COL4A4: variants seen among roughly 807,000 people sequenced by gnomAD.
The protein encoded by COL4A4 is collagen alpha-4(IV) chain.
In COL4A4, 105 loss-of-function variants were observed where a neutral mutation model predicts 192.9. The observed-to-expected ratio is 0.54, with a 90% CI of 0.46 to 0.64. COL4A4 has a LOEUF of 0.64. Ranked by LOEUF, COL4A4 falls within the 30% of genes least tolerant of loss-of-function variation. COL4A4 has a pLI of 0.00. For synonymous variants in COL4A4, 762 were observed against 769.9 expected (o/e 0.99, Z 0.17); for missense variants, 1,967 against 2,169.3 (o/e 0.91, Z 1.85).
intron 23 of COL4A4, among the ~76,000 whole-genome samples, chr2:227,081,324 GC>G (rs2059313984): frequency 6.6e-6 from 1 of 152,242 alleles, no homozygotes; most frequent in Non-Finnish European, 1.5e-5. Context: ...GGTGGGATAA[GC>G]TGGCTTGCTG....
intron 1 of COL4A4, among the ~76,000 whole-genome samples, chr2:227,155,775 T>A (rs2078635): frequency 1.3e-5 from 2 of 151,866 alleles, no homozygotes; most frequent in African/African-American, 2.4e-5. Context: ...TTGCTATCTC[T>A]GTGCTCATGG....
chr2:226,987,107 C>G, the COL4A4 span, among the ~76,000 whole-genome samples: 1 of 152,096 alleles, frequency 6.6e-6, no homozygotes, highest in Non-Finnish European at 1.5e-5. Flanking sequence ...TGTTCTCGCT[C>G]ATAAGTGGGA....
chr2:227,077,904 C>A lies in COL4A4; in HGVS notation c.1977G>T (p.Lys659Asn). 1 of 1,613,068 alleles carries A rather than the reference C, an allele frequency of 6.2e-7. No homozygotes were observed. Reference sequence around the variant, plus strand: ...TTTTTTTAAAATTACCTTTCTGACCCTTCAAGCCATCAGGGCCCCTCACAC... The same window carrying A: ...TTTTTTTAAAATTACCTTTCTGACCATTCAAGCCATCAGGGCCCCTCACAC... ...HPGVRGPDGL[K>N]GQKGDTISCN... The change falls in exon 25 of 48, where the codon AAG becomes AAT. Residue 659 changes from lysine to asparagine, a missense_variant. Physicochemically the swap from Lys to Asn is moderately conservative, Grantham distance 94. Coordinates refer to ENST00000396625, the MANE Select transcript of COL4A4 (RefSeq NM_000092.5).
chr2:227,078,208 A>T, intron 24 of COL4A4, 131 bp from the exon 25 acceptor site: 1 of 756,328 alleles, frequency 1.3e-6, no homozygotes, highest in African/African-American at 1.8e-5. Context: ...AGCAAATGTA[A>T]GTTTAAAATA....
the COL4A4 span, among the ~76,000 whole-genome samples, chr2:226,973,764 C>T: frequency 6.6e-6 from 1 of 152,198 alleles, no homozygotes; most frequent in African/African-American, 2.4e-5. Context: ...CCTTGACCTG[C>T]CTCCTTCACT....
intron 31 of COL4A4, 121 bp downstream of exon 31, chr2:227,054,473 A>G: frequency 9.1e-7 from 1 of 1,102,904 alleles, no homozygotes; most frequent in Non-Finnish European, 1.4e-6. Flanking sequence ...ATACCATAGA[A>G]CTAAAAGGAG....
chr2:227,103,305 A>G lies in COL4A4; in HGVS notation c.817-108T>C, dbSNP rs543117948. ...TTACAATCTGTTTCACCTTAAAAAA[A>G]AAAATCTTAAGAGATTACTCTTCAC... On this transcript the variant is annotated intron_variant, in intron 13 of 47. Coordinates refer to ENST00000396625, the MANE Select transcript of COL4A4 (RefSeq NM_000092.5). 16 of 876,668 alleles carry G rather than the reference A, an allele frequency of 1.8e-5. No individual in the cohort carries two copies. The East Asian group carries it at 3.6e-4, about 19-fold the overall frequency. The allele number at this position is 876,668 out of a possible 1,614,324, so 54.3% of individuals were successfully genotyped here.
At chr2:227,155,581 T>C (rs1184680110) in intron 1 of COL4A4, among the ~76,000 whole-genome samples, 13 of 152,218 alleles carry the variant, frequency 8.5e-5, no homozygotes, top group Admixed American at 8.5e-4. Flanking sequence ...GGAGACTCTA[T>C]CTGAATTCTC....
intron 8 of COL4A4, 22 bp downstream of exon 8, chr2:227,114,606 C>G (rs1313207434): frequency 1.2e-6 from 2 of 1,605,976 alleles, no homozygotes; most frequent in Middle Eastern, 1.7e-4. Context: ...ATTTTTTAAC[C>G]CATCATGATC....
chr2:227,009,742 A>C (rs892213275), intron 46 of COL4A4, among the ~76,000 whole-genome samples: 1 of 138,480 alleles, frequency 7.2e-6, no homozygotes, highest in African/African-American at 2.6e-5. Flanking sequence ...AAAAGAGAAG[A>C]GAAGAGAGAA....
intron 4 of COL4A4, among the ~76,000 whole-genome samples, chr2:227,122,471 T>A (rs906190938): frequency 5.3e-5 from 8 of 152,238 alleles, no homozygotes; most frequent in African/African-American, 1.9e-4. Flanking sequence ...TCTGCTCAGA[T>A]CAGATGTCTT....
At chr2:227,126,490 T>C (rs1208119420) in intron 4 of COL4A4, among the ~76,000 whole-genome samples, 1 of 152,276 alleles carries the variant, frequency 6.6e-6, no homozygotes, top group Non-Finnish European at 1.5e-5. Context: ...AGCTATAATG[T>C]AGGTGTTGTT....
chr2:227,013,944 C>T (rs1255622027), intron 44 of COL4A4, among the ~76,000 whole-genome samples: 1 of 152,134 alleles, frequency 6.6e-6, no homozygotes, highest in Non-Finnish European at 1.5e-5. Context: ...GACCGAAACC[C>T]TCTACCCTTA....
At chr2:226,970,266 A>G in the COL4A4 span, among the ~76,000 whole-genome samples, 1 of 151,984 alleles carries the variant, frequency 6.6e-6, no homozygotes, top group South Asian at 2.1e-4. Flanking sequence ...AGTGCCAACA[A>G]AAGAGAGAAA....
rs1161192021 is a variant in COL4A4 at position 227,008,203 on chromosome 2, A to G, written c.4624T>C (p.Trp1542Arg). 2 of 1,614,240 alleles carry G rather than the reference A, an allele frequency of 1.2e-6. No individual in the cohort carries two copies. The highest frequency in any genetic ancestry group is 3.3e-5 in the Admixed American group (2 of 60,028). The change falls in exon 47 of 48, where the codon TGG (tryptophan) becomes CGG (arginine). Residue 1542 changes from tryptophan to arginine, a missense_variant. Coordinates refer to ENST00000396625, the MANE Select transcript of COL4A4 (RefSeq NM_000092.5). ...HYAQRNDRSY[W>R]LASAAPLPMM... is the part of the protein sequence containing the mutation. ...GGGAGGGGCGCAGCGCTGGCCAGCC[A>G]GTAGGATCTGTCGTTTCTCTGGGCA...
At chr2:227,009,347 C>T (rs1279199817) in intron 46 of COL4A4, among the ~76,000 whole-genome samples, 2 of 152,168 alleles carry the variant, frequency 1.3e-5, no homozygotes, top group Non-Finnish European at 1.5e-5. Flanking sequence ...CAGTGTTTCC[C>T]GGCAGCCAGG....
chr2:227,111,669 G>A lies in COL4A4; in HGVS notation c.594+9C>T. On this transcript the variant is annotated intron_variant, in intron 9 of 47. Transcript: ENST00000396625. Reference sequence around the variant, plus strand: ...AAATAGAAGCATAGAGCCTGCTCAGGAGACTTACTGGTAAGCCAGGCAGTC... The same window carrying A: ...AAATAGAAGCATAGAGCCTGCTCAGAAGACTTACTGGTAAGCCAGGCAGTC... The A allele has an allele frequency of 6.2e-7, 1 of 1,614,008 alleles. No homozygotes were observed. Among genetic ancestry groups the A allele is most frequent in the Non-Finnish European group, 8.5e-7 (1 of 1,179,864 alleles).
At chr2:226,988,243 G>C in the COL4A4 span, 1 of 1,219,822 alleles carries the variant, frequency 8.2e-7, no homozygotes, top group African/African-American at 1.5e-5. Flanking sequence ...GAGGTTGGGA[G>C]TAGGACTCAT....
chr2:227,105,251 C>T (rs560984587), intron 12 of COL4A4, among the ~76,000 whole-genome samples: 2 of 131,106 alleles, frequency 1.5e-5, no homozygotes, highest in East Asian at 4.6e-4. Context: ...GGCACAATGG[C>T]GCAATCTCAG....
Sources: allele counts gnomAD v4.1 joint callset (sites outside exome capture counted in the v4.1 genomes callset), GRCh38; gene constraint gnomAD v4.1.1; transcripts MANE v1.5; gene names NCBI Gene and HGNC (gene_info 2026-07-23, HGNC 2026-07-21).